Variants in KCNG3 observed in about 807,000 individuals in gnomAD.
KCNG3 encodes the protein potassium voltage-gated channel modifier subfamily G member 3.
A neutral mutation model predicts 29.0 loss-of-function variants in KCNG3; 15 were observed. The ratio of observed to expected loss-of-function variants is 0.52; its 90% CI spans 0.35 to 0.80. The LOEUF is 0.80. Ranked by LOEUF, KCNG3 falls within the 30% of genes least tolerant of loss-of-function variation. The pLI is 0.01. For missense variants in KCNG3, 512 were observed against 605.7 expected (o/e 0.85, Z 1.62); for synonymous variants, 322 against 248.9 (o/e 1.29, Z -2.76).
the KCNG3 span, among the ~76,000 whole-genome samples, chr2:42,412,378 A>T: frequency 6.6e-6 from 1 of 152,164 alleles, no homozygotes; most frequent in Admixed American, 6.5e-5. Context: ...TCTTGGAGTG[A>T]CTTTGGTTTC....
the KCNG3 span, among the ~76,000 whole-genome samples, chr2:42,412,014 G>A: frequency 6.6e-6 from 1 of 152,206 alleles, no homozygotes; most frequent in Non-Finnish European, 1.5e-5. Flanking sequence ...AGATGGAAAA[G>A]ACGTGGAGCC....
intron 1 of KCNG3, among the ~76,000 whole-genome samples, chr2:42,469,555 T>C (rs1673234819): frequency 6.6e-6 from 1 of 152,102 alleles, no homozygotes; most frequent in East Asian, 1.9e-4. Flanking sequence ...GAAAGTGTTA[T>C]CCACGTGAAT....
the KCNG3 span, among the ~76,000 whole-genome samples, chr2:42,427,646 A>G: frequency 1.3e-5 from 2 of 152,144 alleles, no homozygotes; most frequent in Non-Finnish European, 2.9e-5. Context: ...CTGAACTATC[A>G]TTGTATAAAA....
At chr2:42,430,740 T>C in the KCNG3 span, among the ~76,000 whole-genome samples, 2 of 151,790 alleles carry the variant, frequency 1.3e-5, no homozygotes, top group Admixed American at 1.3e-4. Context: ...GGCCACCTTA[T>C]GAAATTCTGT....
At chr2:42,477,267 T>TA (rs1240259833) in intron 1 of KCNG3, among the ~76,000 whole-genome samples, 1 of 149,400 alleles carries the variant, frequency 6.7e-6, no homozygotes, top group Non-Finnish European at 1.5e-5. Context: ...GACTGCTAAA[T>TA]ACACTAGTTA....
intron 1 of KCNG3, among the ~76,000 whole-genome samples, chr2:42,445,073 T>TA (rs35392805): frequency 0.37 from 50,051 of 136,198 alleles, 9,405 homozygotes; most frequent in Admixed American, 0.52. Context: ...TCTCAAAAAT[T>TA]AAAAAAAAAA....
chr2:42,459,220 AGAGT>A (rs1162783342), intron 1 of KCNG3, among the ~76,000 whole-genome samples: 124 of 149,832 alleles, frequency 8.3e-4, no homozygotes, highest in African/African-American at 3.0e-3. Flanking sequence ...AAAAATAGAG[AGAGT>A]GAGAAGACAG....
At position 42,472,660 on chromosome 2, in the gene KCNG3, G is replaced by A. The variant is rs140952354; in HGVS notation, c.665+20177C>T. ...ACTACAGGCATATGCCAACATACCC[G>A]GCTAATTTTTGTATTTTTTGGTAAA... On this transcript the variant is annotated intron_variant, in intron 1 of 1. Coordinates refer to ENST00000306078, the MANE Select transcript of KCNG3 (RefSeq NM_133329.6). Among the ~76,000 whole-genome samples the A allele has an allele frequency of 2.7e-3, 406 of 151,480 alleles. 5 individuals are homozygous for A. Among genetic ancestry groups the A allele is most frequent in the Middle Eastern group, 6.8e-3 (2 of 294 alleles).
At chr2:42,431,642 C>CT in the KCNG3 span, among the ~76,000 whole-genome samples, 1 of 152,170 alleles carries the variant, frequency 6.6e-6, no homozygotes, top group African/African-American at 2.4e-5. Flanking sequence ...GGAAATGTTG[C>CT]TTGCAGATAA....
chr2:42,454,537 C>T (rs1294868402), intron 1 of KCNG3, among the ~76,000 whole-genome samples: 1 of 152,058 alleles, frequency 6.6e-6, no homozygotes, highest in Non-Finnish European at 1.5e-5. Context: ...CATGGCAAAA[C>T]CTCGTCTCTA....
intron 1 of KCNG3, among the ~76,000 whole-genome samples, chr2:42,481,952 T>C (rs1431688477): frequency 1.3e-5 from 2 of 152,170 alleles, no homozygotes; most frequent in East Asian, 3.9e-4. Context: ...GGGTTTTTCT[T>C]GTTGTTGTTT....
At chr2:42,419,741 A>G in the KCNG3 span, among the ~76,000 whole-genome samples, 1 of 152,252 alleles carries the variant, frequency 6.6e-6, no homozygotes, top group Non-Finnish European at 1.5e-5. Context: ...CTCTGTAGAC[A>G]TAACTTCAAC....
At chr2:42,395,693 G>T in the KCNG3 span, among the ~76,000 whole-genome samples, 1 of 152,112 alleles carries the variant, frequency 6.6e-6, no homozygotes, top group South Asian at 2.1e-4. Flanking sequence ...GTTGACTCAC[G>T]CCTGTAACCC....
At position 42,443,798 on chromosome 2, in the gene KCNG3, G is replaced by T; in HGVS notation, c.*136C>A. ...AACAAGTAAACTGTTTTATCCCTTC[G>T]GCTGGGAAGGATAATTTTTACCCTA... On this transcript the variant is annotated 3_prime_UTR_variant, in exon 2 of 2. Coordinates refer to ENST00000306078, the MANE Select transcript of KCNG3 (RefSeq NM_133329.6). 1 of 768,566 alleles carries T rather than the reference G, an allele frequency of 1.3e-6. No individual in the cohort carries two copies. Among genetic ancestry groups the T allele is most frequent in the East Asian group, 2.6e-5 (1 of 37,990 alleles). 47.6% of individuals were successfully genotyped at this position (768,566 alleles called of 1,614,324 possible).
rs1337463619 is a variant in KCNG3, at chr2:42,493,931, GGCCGCGAATCCGGCGGCCGCCCC to G, written c.-453_-431del. The G allele has an allele frequency of 6.4e-6, 1 of 157,044 alleles. No individual in the cohort carries two copies. The highest frequency in any genetic ancestry group is 1.4e-5 in the Non-Finnish European group (1 of 71,618). 9.7% of individuals were successfully genotyped at this position (157,044 alleles called of 1,614,324 possible). On this transcript the variant is annotated 5_prime_UTR_variant, in exon 1 of 2. Transcript: ENST00000306078. ...GCTCCCCGTCTCCGGCGCTCCCTGC[GGCCGCGAATCCGGCGGCCGCCCC>G]GCCGCCGTCCAGAGGCGAGAGGCAA... is the stretch of plus-strand genomic sequence containing the variant.
At chr2:42,490,473 G>A (rs1004780055) in intron 1 of KCNG3, among the ~76,000 whole-genome samples, 2 of 152,158 alleles carry the variant, frequency 1.3e-5, no homozygotes, top group Admixed American at 6.5e-5. Context: ...TTTGGGCAGT[G>A]CACAACCTCT....
At chr2:42,453,726 G>C (rs1417010915) in intron 1 of KCNG3, among the ~76,000 whole-genome samples, 1 of 152,056 alleles carries the variant, frequency 6.6e-6, no homozygotes, top group Non-Finnish European at 1.5e-5. Flanking sequence ...GATCCCATTT[G>C]TTCATTTTTG....
At chr2:42,469,904 T>C (rs1673243614) in intron 1 of KCNG3, 1 of 288,998 alleles carries the variant, frequency 3.5e-6, no homozygotes, top group Non-Finnish European at 6.4e-6. Context: ...GAAGTTGACA[T>C]CTGATGAAAT....
At chr2:42,482,049 C>T (rs1673598441) in intron 1 of KCNG3, among the ~76,000 whole-genome samples, 1 of 152,114 alleles carries the variant, frequency 6.6e-6, no homozygotes, top group South Asian at 2.1e-4. Context: ...GCTTCAAACT[C>T]CTGGGCTCAA....
Sources: gnomAD v4.1 joint callset for allele counts (sites outside exome capture counted in the v4.1 genomes callset) on GRCh38, gnomAD v4.1.1 for gene constraint, MANE v1.5 for transcripts, NCBI Gene and HGNC (gene_info 2026-07-23, HGNC 2026-07-21) for gene names.